Variants in CDH13 observed in about 807,000 individuals in gnomAD.
CDH13 encodes cadherin-13.
A neutral mutation model predicts 63.8 loss-of-function variants in CDH13; 24 were observed. The observed-to-expected ratio is 0.38, with a 90% confidence interval of 0.27 to 0.53. The LOEUF (loss-of-function observed/expected upper bound fraction) is 0.53, where lower values mean the gene tolerates loss of function less well. Ranked by LOEUF, CDH13 falls within the 20% of genes least tolerant of loss-of-function variation. CDH13 has a pLI of 0.85. For synonymous variants in CDH13, 503 were observed against 355.3 expected, an observed-to-expected ratio of 1.42 and a Z score of -4.67; for missense variants, 1,049 against 903.1, an observed-to-expected ratio of 1.16 and a Z score of -2.07.
At chr16:83,589,373 T>TC (rs1467948397) in intron 7 of CDH13, among the ~76,000 whole-genome samples, 1 of 133,382 alleles carries the variant, frequency 7.5e-6, no homozygotes, top group Non-Finnish European at 1.6e-5. Context: ...CCTCTCCCTC[T>TC]CCCCCAACAC....
intron 6 of CDH13, among the ~76,000 whole-genome samples, chr16:83,368,884 T>TTATA (rs150563585): frequency 1.4e-3 from 67 of 47,528 alleles, no homozygotes; most frequent in South Asian, 9.9e-3. Flanking sequence ...GTATTCCATG[T>TTATA]TATATATATA....
intron 10 of CDH13, among the ~76,000 whole-genome samples, chr16:83,710,802 C>G (rs1907923642): frequency 6.6e-6 from 1 of 152,170 alleles, no homozygotes; most frequent in Non-Finnish European, 1.5e-5. Flanking sequence ...GCTGTTTATG[C>G]TTGTTATTCG....
In CDH13 at chr16:83,024,632, T is replaced by C. The variant is rs141607763; in HGVS notation, c.158-7378T>C. Among the ~76,000 whole-genome samples the C allele has an allele frequency of 5.8e-4, 89 of 152,292 alleles. 1 individual carries two copies. The highest frequency in any genetic ancestry group is 3.4e-3 in the Middle Eastern group (1 of 294). On this transcript the variant is annotated intron_variant, in intron 2 of 13. Transcript: ENST00000567109. ...GAACACCAAAAGTTCCTACCTCAAA[T>C]TGATGATGTGAAGAAGACGACATGA...
chr16:82,703,495 G>A (rs928815332), intron 1 of CDH13, among the ~76,000 whole-genome samples: 4 of 152,090 alleles, frequency 2.6e-5, no homozygotes, highest in Admixed American at 6.5e-5. Flanking sequence ...AGATGTATTT[G>A]ACACCATTTC....
At chr16:83,192,993 T>C (rs1173536197) in intron 4 of CDH13, among the ~76,000 whole-genome samples, 1 of 152,096 alleles carries the variant, frequency 6.6e-6, no homozygotes, top group Non-Finnish European at 1.5e-5. Context: ...TTTGGAGATT[T>C]TGGCAAAGAT....
At chr16:82,744,118 C>T (rs1487398658) in intron 1 of CDH13, among the ~76,000 whole-genome samples, 2 of 152,180 alleles carry the variant, frequency 1.3e-5, no homozygotes, top group African/African-American at 4.8e-5. Context: ...TCTCCCTTTA[C>T]TTGATCAGGC....
At chr16:83,301,727 C>T (rs1278028500) in intron 5 of CDH13, among the ~76,000 whole-genome samples, 1 of 152,060 alleles carries the variant, frequency 6.6e-6, no homozygotes, top group African/African-American at 2.4e-5. Context: ...ATGCCTTCTG[C>T]CCTCTTATTT....
At chr16:82,730,200 T>A (rs769771306) in intron 1 of CDH13, among the ~76,000 whole-genome samples, 2 of 152,218 alleles carry the variant, frequency 1.3e-5, no homozygotes, top group African/African-American at 2.4e-5. Context: ...ATTCACAACT[T>A]GGTTGATTGG....
At chr16:82,772,294 T>G (rs1036784963) in intron 1 of CDH13, among the ~76,000 whole-genome samples, 7 of 152,062 alleles carry the variant, frequency 4.6e-5, no homozygotes, top group African/African-American at 1.7e-4. Flanking sequence ...CTGCTGGCCT[T>G]TGGGAATGGA....
intron 6 of CDH13, among the ~76,000 whole-genome samples, chr16:83,391,270 A>G (rs1215647320): frequency 2.0e-5 from 3 of 151,062 alleles, no homozygotes; most frequent in Non-Finnish European, 2.9e-5. Flanking sequence ...CAATAACATG[A>G]TCTTGGCTTA....
intron 5 of CDH13, among the ~76,000 whole-genome samples, chr16:83,322,571 G>A (rs915601997): frequency 6.6e-6 from 1 of 152,034 alleles, no homozygotes; most frequent in Admixed American, 6.6e-5. Context: ...GGTTCTTATG[G>A]GGGGGTGCAG....
chr16:83,217,703 A>G (rs2039582483), intron 5 of CDH13, among the ~76,000 whole-genome samples: 1 of 152,174 alleles, frequency 6.6e-6, no homozygotes, highest in Non-Finnish European at 1.5e-5. Context: ...AGAGCCCTCC[A>G]GGCCTGCATC....
At chr16:83,707,242 G>C (rs538033913) in intron 10 of CDH13, among the ~76,000 whole-genome samples, 2 of 152,108 alleles carry the variant, frequency 1.3e-5, no homozygotes, top group Admixed American at 6.6e-5. Context: ...GGTCTTTCTA[G>C]GTCAGTTTCA....
intron 5 of CDH13, among the ~76,000 whole-genome samples, chr16:83,252,838 C>G (rs1284114919): frequency 6.6e-6 from 1 of 152,096 alleles, no homozygotes; most frequent in Non-Finnish European, 1.5e-5. Flanking sequence ...AAATCCATAC[C>G]ATCAAGAATA....
At chr16:83,406,035 G>T (rs965740791) in intron 6 of CDH13, among the ~76,000 whole-genome samples, 1 of 152,124 alleles carries the variant, frequency 6.6e-6, no homozygotes, top group Non-Finnish European at 1.5e-5. Flanking sequence ...GCTTCTCCCC[G>T]CTTTTCCAGG....
intron 3 of CDH13, among the ~76,000 whole-genome samples, chr16:83,101,460 G>A (rs2034475022): frequency 6.6e-6 from 1 of 150,540 alleles, no homozygotes; most frequent in South Asian, 2.1e-4. Context: ...GTAAAATAAA[G>A]CACAGGAGGG....
chr16:82,853,874 G>A (rs1174590619), intron 1 of CDH13, among the ~76,000 whole-genome samples: 1 of 152,130 alleles, frequency 6.6e-6, no homozygotes, highest in Non-Finnish European at 1.5e-5. Flanking sequence ...AATTTACAGA[G>A]GATTTGGGGA....
At chr16:83,008,464 G>A (rs1211753626) in intron 2 of CDH13, among the ~76,000 whole-genome samples, 1 of 152,236 alleles carries the variant, frequency 6.6e-6, no homozygotes, top group Non-Finnish European at 1.5e-5. Flanking sequence ...TAGGAGACCA[G>A]TGGGGCCGAG....
chr16:83,528,124 C>G (rs764305523), intron 7 of CDH13, among the ~76,000 whole-genome samples: 1 of 152,194 alleles, frequency 6.6e-6, no homozygotes, highest in East Asian at 1.9e-4. Context: ...CTCACACAGC[C>G]TCTTTAATAA....
Sources: gnomAD v4.1 joint callset for allele counts (sites outside exome capture counted in the v4.1 genomes callset) on GRCh38, gnomAD v4.1.1 for gene constraint, MANE v1.5 for transcripts, NCBI Gene and HGNC (gene_info 2026-07-23, HGNC 2026-07-21) for gene names.